FHIT: variants seen among roughly 807,000 people sequenced by gnomAD.
The protein encoded by FHIT is bis(5'-adenosyl)-triphosphatase.
A neutral mutation model predicts 17.9 loss-of-function variants in FHIT; 19 were observed. The ratio of observed to expected loss-of-function variants is 1.06; its 90% CI spans 0.74 to 1.56. The LOEUF (loss-of-function observed/expected upper bound fraction) is 1.56. Among genes scored for constraint, FHIT ranks in the 40% most tolerant of loss-of-function variants. FHIT has a pLI of 0.00. For synonymous variants in FHIT, 81 were observed against 69.7 expected (o/e 1.16, Z -0.81); for missense variants, 248 against 189.2 (o/e 1.31, Z -1.82).
At chr3:60,510,255 T>C (rs1433672967) in intron 5 of FHIT, among the ~76,000 whole-genome samples, 1 of 152,164 alleles carries the variant, frequency 6.6e-6, no homozygotes, top group Non-Finnish European at 1.5e-5. Context: ...TAAGCCAGGA[T>C]TGATGGGTAA....
chr3:61,148,832 T>C (rs2107036894), intron 2 of FHIT, among the ~76,000 whole-genome samples: 1 of 152,336 alleles, frequency 6.6e-6, no homozygotes, highest in South Asian at 2.1e-4. Context: ...TTGGTTTCAA[T>C]CTAAGGAAAA....
intron 2 of FHIT, among the ~76,000 whole-genome samples, chr3:61,097,338 A>C (rs1043040259): frequency 1.3e-5 from 2 of 152,218 alleles, no homozygotes; most frequent in Non-Finnish European, 2.9e-5. Flanking sequence ...TTCTTTATCC[A>C]GTCTATCATT....
chr3:59,927,787 A>G (rs2107215086), intron 7 of FHIT, among the ~76,000 whole-genome samples: 1 of 152,032 alleles, frequency 6.6e-6, no homozygotes, highest in East Asian at 2.0e-4. Context: ...AACAACAACA[A>G]CAAAAACCCA....
chr3:60,059,739 T>C (rs966110201), intron 5 of FHIT, among the ~76,000 whole-genome samples: 5 of 152,174 alleles, frequency 3.3e-5, no homozygotes, highest in Admixed American at 6.5e-5. Context: ...AGGTTTTCTG[T>C]GCCTACGAGG....
At chr3:60,439,688 T>A (rs1576655626) in intron 5 of FHIT, among the ~76,000 whole-genome samples, 1 of 152,104 alleles carries the variant, frequency 6.6e-6, no homozygotes, top group Non-Finnish European at 1.5e-5. Flanking sequence ...CTGGGCATCA[T>A]GTGTCTCCCA....
At chr3:60,513,812 C>G (rs2035038304) in intron 5 of FHIT, among the ~76,000 whole-genome samples, 1 of 152,124 alleles carries the variant, frequency 6.6e-6, no homozygotes. Flanking sequence ...CAGATGTTGC[C>G]TTTTCCAAAA....
chr3:60,867,490 C>A (rs537352967), intron 3 of FHIT, among the ~76,000 whole-genome samples: 1 of 152,118 alleles, frequency 6.6e-6, no homozygotes, highest in African/African-American at 2.4e-5. Context: ...ATCAGGGCAG[C>A]CTTTATGCAG....
chr3:59,858,232 CCTT>C (rs1202937804), intron 8 of FHIT, among the ~76,000 whole-genome samples: 4 of 140,782 alleles, frequency 2.8e-5, no homozygotes, highest in East Asian at 2.1e-4. Flanking sequence ...CCTTTTCCCA[CCTT>C]CTTTTTTTTT....
intron 5 of FHIT, among the ~76,000 whole-genome samples, chr3:60,319,418 G>A (rs1269791269): frequency 6.6e-6 from 1 of 151,198 alleles, no homozygotes; most frequent in Non-Finnish European, 1.5e-5. Flanking sequence ...CTGCAACAGA[G>A]TACACATTCT....
chr3:60,273,513 G>C (rs570314177), intron 5 of FHIT, among the ~76,000 whole-genome samples: 3 of 152,132 alleles, frequency 2.0e-5, no homozygotes, highest in South Asian at 4.1e-4. Flanking sequence ...AGGAGGCTGA[G>C]GGGGAGAATT....
intron 5 of FHIT, among the ~76,000 whole-genome samples, chr3:60,270,124 G>T (rs1706790261): frequency 6.6e-6 from 1 of 152,150 alleles, no homozygotes; most frequent in South Asian, 2.1e-4. Context: ...TATCTGTTGT[G>T]ACAGCGAAGT....
chr3:59,931,029 A>G (rs1705945793), intron 7 of FHIT, among the ~76,000 whole-genome samples: 1 of 152,172 alleles, frequency 6.6e-6, no homozygotes, highest in Non-Finnish European at 1.5e-5. Flanking sequence ...ATATTCCCTC[A>G]TTTATCAAGT....
chr3:60,056,488 C>T (rs1455966581), intron 5 of FHIT, among the ~76,000 whole-genome samples: 1 of 152,214 alleles, frequency 6.6e-6, no homozygotes, highest in Non-Finnish European at 1.5e-5. Flanking sequence ...TATTGTGTTA[C>T]AAGTTTAGAT....
At chr3:59,774,030 T>G (rs1324469409) in intron 8 of FHIT, among the ~76,000 whole-genome samples, 1 of 152,272 alleles carries the variant, frequency 6.6e-6, no homozygotes, top group African/African-American at 2.4e-5. Context: ...TATCTGTTTT[T>G]TTAATATGGC....
At chr3:60,130,878 C>A (rs1395798043) in intron 5 of FHIT, among the ~76,000 whole-genome samples, 1 of 118,034 alleles carries the variant, frequency 8.5e-6, no homozygotes, top group African/African-American at 3.4e-5. Flanking sequence ...GACACGTATA[C>A]ATGTATATAC....
chr3:60,978,161 G>T (rs1372157989), intron 3 of FHIT, among the ~76,000 whole-genome samples: 1 of 152,174 alleles, frequency 6.6e-6, no homozygotes, highest in Non-Finnish European at 1.5e-5. Flanking sequence ...CTTTCCTTGA[G>T]CCAGGTCCTT....
At chr3:60,318,727 T>C (rs188250802) in intron 5 of FHIT, among the ~76,000 whole-genome samples, 1 of 152,362 alleles carries the variant, frequency 6.6e-6, no homozygotes, top group Admixed American at 6.5e-5. Flanking sequence ...GCATTCATTT[T>C]TGATTGCTGC....
At chr3:59,976,956 T>C (rs748586511) in intron 7 of FHIT, among the ~76,000 whole-genome samples, 3 of 152,046 alleles carry the variant, frequency 2.0e-5, no homozygotes. Context: ...TGAAGGGCTT[T>C]TAATTGAGAT....
chr3:61,193,439 C>G (rs969711354), intron 2 of FHIT, among the ~76,000 whole-genome samples: 1 of 152,182 alleles, frequency 6.6e-6, no homozygotes, highest in African/African-American at 2.4e-5. Context: ...GACTACCCAA[C>G]AATGCATGGA....
Sources: gnomAD v4.1 joint callset for allele counts (sites outside exome capture counted in the v4.1 genomes callset) on GRCh38, gnomAD v4.1.1 for gene constraint, MANE v1.5 for transcripts, NCBI Gene and HGNC (gene_info 2026-07-23, HGNC 2026-07-21) for gene names.